FANCA: variants seen among roughly 807,000 people sequenced by gnomAD.
FANCA encodes FA complementation group A, also known as Fanconi anemia group A protein.
FANCA carries 236 observed loss-of-function variants against 194.3 expected under a neutral mutation model. The observed-to-expected ratio is 1.21, with a 90% CI of 1.09 to 1.35. FANCA has a LOEUF of 1.35. Ranked by LOEUF, FANCA falls within the 40% of genes most tolerant of loss-of-function variation. FANCA has a pLI of 0.00. For missense variants in FANCA, 2,628 were observed against 1,813.9 expected (o/e 1.45, Z -8.15); for synonymous variants, 1,014 against 715.8 (o/e 1.42, Z -6.65).
At chr16:89,812,111 G>A (rs1222897067) in intron 3 of FANCA, among the ~76,000 whole-genome samples, 18 of 149,872 alleles carry the variant, frequency 1.2e-4, no homozygotes, top group Admixed American at 7.3e-4. Context: ...CGAGGCGGGC[G>A]GATTACAAGG....
At chr16:89,794,495 C>G (rs545198328) in intron 11 of FANCA, among the ~76,000 whole-genome samples, 1 of 152,204 alleles carries the variant, frequency 6.6e-6, no homozygotes, top group South Asian at 2.1e-4. Context: ...GAGATCGCAC[C>G]ACCACACTCC....
intron 36 of FANCA, among the ~76,000 whole-genome samples, chr16:89,743,716 A>C (rs1268636854): frequency 6.6e-6 from 1 of 151,890 alleles, no homozygotes; most frequent in Non-Finnish European, 1.5e-5. Context: ...CCAGCTACTC[A>C]GGAGACTGAG....
At chr16:89,815,100 G>A (rs1269649923) in intron 2 of FANCA, among the ~76,000 whole-genome samples, 1 of 151,928 alleles carries the variant, frequency 6.6e-6, no homozygotes, top group Non-Finnish European at 1.5e-5. Context: ...TGCAATGGCG[G>A]GATCTCACTC....
intron 33 of FANCA, among the ~76,000 whole-genome samples, chr16:89,747,228 G>C (rs2038422120): frequency 6.6e-6 from 1 of 152,218 alleles, no homozygotes; most frequent in African/African-American, 2.4e-5. Flanking sequence ...AATACCAAGG[G>C]CCAACCATCC....
intron 5 of FANCA, among the ~76,000 whole-genome samples, chr16:89,809,179 T>C (rs1032995186): frequency 3.3e-5 from 5 of 151,916 alleles, no homozygotes; most frequent in African/African-American, 1.2e-4. Flanking sequence ...GTGCTGGGAT[T>C]ACAGGTGTGA....
chr16:89,744,632 G>A (rs999642748), intron 36 of FANCA: 9 of 377,006 alleles, frequency 2.4e-5, no homozygotes, highest in African/African-American at 8.4e-5. Flanking sequence ...GGGAGAGGCC[G>A]TTCCTCACTC....
At chr16:89,756,627 A>T (rs2038776006) in intron 30 of FANCA, among the ~76,000 whole-genome samples, 1 of 152,208 alleles carries the variant, frequency 6.6e-6, no homozygotes, top group Non-Finnish European at 1.5e-5. Flanking sequence ...TTCAAAATAA[A>T]TATAAATAAG....
chr16:89,749,644 A>G, intron 32 of FANCA, 86 bp downstream of exon 32: 1 of 1,507,352 alleles, frequency 6.6e-7, no homozygotes, highest in Non-Finnish European at 9.0e-7. Flanking sequence ...CGGGAAACAA[A>G]CTCACTACAA....
At chr16:89,767,833 T>C (rs2039183858) in intron 26 of FANCA, among the ~76,000 whole-genome samples, 1 of 152,064 alleles carries the variant, frequency 6.6e-6, no homozygotes, top group Non-Finnish European at 1.5e-5. Context: ...CAGGCATGAG[T>C]CACTGCAACC....
chr16:89,780,893 A>G (rs2143440743), intron 17 of FANCA, among the ~76,000 whole-genome samples: 1 of 151,458 alleles, frequency 6.6e-6, no homozygotes, highest in Admixed American at 6.6e-5. Context: ...TCACGGTACT[A>G]TACTTCAGCC....
intron 28 of FANCA, among the ~76,000 whole-genome samples, chr16:89,762,990 G>C (rs2039004721): frequency 6.7e-6 from 1 of 149,966 alleles, no homozygotes; most frequent in African/African-American, 2.5e-5. Flanking sequence ...GCTCACACCT[G>C]TAATCCCAGC....
At chr16:89,751,273 G>C (rs1383955266) in intron 31 of FANCA, among the ~76,000 whole-genome samples, 1 of 152,064 alleles carries the variant, frequency 6.6e-6, no homozygotes, top group African/African-American at 2.4e-5. Context: ...ACCGAGATGG[G>C]TGGTTCACTT....
In FANCA at chr16:89,811,239, T is replaced by G. The variant is rs17232176; in HGVS notation, c.284-168A>C. Among the ~76,000 whole-genome samples the G allele has an allele frequency of 3.8e-4, 58 of 152,150 alleles. 1 individual carries two copies. The highest frequency in any genetic ancestry group is 5.9e-5 in the Non-Finnish European group (4 of 68,028). ...AAAAACATGAGATAAAAATGAGAAT[T>G]TGATGATCCAAGCAGCTCACAATAA... is the stretch of plus-strand genomic sequence containing the variant. On this transcript the variant is annotated intron_variant, in intron 3 of 42. Coordinates refer to ENST00000389301, the MANE Select transcript of FANCA (RefSeq NM_000135.4).
intron 10 of FANCA, 181 bp downstream of exon 10, chr16:89,798,985 A>T: frequency 6.2e-7 from 1 of 1,613,936 alleles, no homozygotes; most frequent in South Asian, 1.1e-5. Flanking sequence ...AAGGCTGACC[A>T]GAGCGTTCCC....
At chr16:89,748,621 T>C (rs1475482490) in intron 33 of FANCA, 38 bp downstream of exon 33, 5 of 1,509,646 alleles carry the variant, frequency 3.3e-6, no homozygotes, top group Non-Finnish European at 4.6e-6. Flanking sequence ...CCACAGGCAC[T>C]GACAGATCGG....
At chr16:89,792,202 G>C in intron 12 of FANCA, 134 bp from the exon 13 acceptor site, 3 of 1,086,452 alleles carry the variant, frequency 2.8e-6, no homozygotes, top group Middle Eastern at 2.0e-4. Flanking sequence ...ATGGAGCTGT[G>C]ACAGCTCACA....
At position 89,783,084 on chromosome 16, in the gene FANCA, G is replaced by A. The variant is rs1057521855; in HGVS notation, c.1489C>T (p.Pro497Ser). 6.2e-7 allele frequency: 1 copy of A among 1,613,606 alleles called. No individual in the cohort carries two copies. The highest frequency in any genetic ancestry group is 8.5e-7 in the Non-Finnish European group (1 of 1,179,618). ...GAGCGGTACTTGCCGGGAACCAGGG[G>A]TGGGTGGAGAATGTGCACCTGAGGA... Reference protein sequence around the residue: ...RYLQVHILHPPLVPGKYRSLL... With the variant: ...RYLQVHILHPSLVPGKYRSLL... Residue 497 changes from proline (P) to serine (S), a missense_variant, in exon 16 of 43, where the codon CCC becomes TCC. Physicochemically the swap from Pro to Ser is moderately conservative, Grantham distance 74. Transcript: ENST00000389301.
chr16:89,769,619 GTATAA>G, intron 26 of FANCA: 1 of 619,708 alleles, frequency 1.6e-6, no homozygotes, highest in South Asian at 1.9e-5. Context: ...CAGCAGTTTA[GTATAA>G]TATGATCTCA....
At chr16:89,800,849 G>C (rs1380063171) in intron 8 of FANCA, among the ~76,000 whole-genome samples, 1 of 151,496 alleles carries the variant, frequency 6.6e-6, no homozygotes, top group Non-Finnish European at 1.5e-5. Flanking sequence ...TGACCAACAA[G>C]GTGAAACCCT....
Sources: gnomAD v4.1 joint callset for allele counts (sites outside exome capture counted in the v4.1 genomes callset) on GRCh38, gnomAD v4.1.1 for gene constraint, MANE v1.5 for transcripts, NCBI Gene and HGNC (gene_info 2026-07-23, HGNC 2026-07-21) for gene names.